Variants in TFDP2 observed in about 807,000 individuals in gnomAD.
TFDP2 encodes transcription factor Dp-2, also known as transcription factor Dp-2 (E2F dimerization partner 2).
A neutral mutation model predicts 59.3 loss-of-function variants in TFDP2; 17 were observed. The observed-to-expected ratio is 0.29, with a 90% CI of 0.20 to 0.43. The LOEUF is 0.43. TFDP2 is among the 20% of genes least tolerant of loss of function. The pLI is 1.00. For missense variants in TFDP2, 391 were observed against 528.8 expected (o/e 0.74, Z 2.56); for synonymous variants, 180 against 194.7 (o/e 0.92, Z 0.63).
At chr3:142,026,424 C>T (rs1318092619) in intron 3 of TFDP2, among the ~76,000 whole-genome samples, 1 of 152,150 alleles carries the variant, frequency 6.6e-6, no homozygotes, top group African/African-American at 2.4e-5. Context: ...ATGTTGATAT[C>T]TTTTCCAGCC....
intron 3 of TFDP2, among the ~76,000 whole-genome samples, chr3:142,089,705 A>C (rs929481838): frequency 6.6e-6 from 1 of 152,114 alleles, no homozygotes; most frequent in Non-Finnish European, 1.5e-5. Flanking sequence ...GAAATGAAAA[A>C]ATGTTTAATA....
At chr3:142,064,228 G>A (rs574443888) in intron 3 of TFDP2, among the ~76,000 whole-genome samples, 4 of 152,210 alleles carry the variant, frequency 2.6e-5, no homozygotes, top group African/African-American at 7.2e-5. Context: ...TGAGATGACC[G>A]TGCCTGGCCA....
In TFDP2 at chr3:142,149,502, G is replaced by T; in HGVS notation, c.-412C>A. On this transcript the variant is annotated 5_prime_UTR_variant, in exon 1 of 13. Coordinates refer to ENST00000489671, the MANE Select transcript of TFDP2 (RefSeq NM_001178139.2). ...CCTCTCCCTGCCCAGCTACAGCCCCGCTTCCCCCGCGCGAGCTTTGGCGGC... is the reference window on the plus strand; with the variant it reads ...CCTCTCCCTGCCCAGCTACAGCCCCTCTTCCCCCGCGCGAGCTTTGGCGGC... 2.9e-6 allele frequency: 1 copy of T among 346,672 alleles called. No homozygotes were observed. The highest frequency in any genetic ancestry group is 5.2e-6 in the Non-Finnish European group (1 of 193,522). 21.5% of individuals were successfully genotyped at this position (346,672 alleles called of 1,614,324 possible).
chr3:142,077,749 T>C (rs1351754768), intron 3 of TFDP2, among the ~76,000 whole-genome samples: 1 of 151,992 alleles, frequency 6.6e-6, no homozygotes, highest in African/African-American at 2.4e-5. Flanking sequence ...ACCCAGAACA[T>C]TCCAAGCTGG....
chr3:142,042,630 C>CTTTTTTTTTTTTTTTTTTTTTTT (rs66981475), intron 3 of TFDP2, among the ~76,000 whole-genome samples: 4 of 108,220 alleles, frequency 3.7e-5, no homozygotes, highest in Admixed American at 1.0e-4. Context: ...CTTTTCTTTT[C>CTTTTTTTTTTTTTTTTTTTTTTT]TTTTTTTTTT....
In TFDP2 at chr3:142,018,266, C is replaced by T. The variant is rs189032916; in HGVS notation, c.83-12722G>A. On this transcript the variant is annotated intron_variant, in intron 3 of 12. Transcript: ENST00000489671. ...GCCTCAATGTTTATTTTATTAGCTA[C>T]ATAGTATTCCCTTTTATGGCTCCAG... 1.3e-4 allele frequency among the ~76,000 whole-genome samples: 20 copies of T among 152,182 alleles called. No individual in the cohort carries two copies. In the East Asian group the frequency reaches 3.7e-3, roughly 28 times the overall value.
chr3:142,076,110 C>T (rs1229180659), intron 3 of TFDP2, among the ~76,000 whole-genome samples: 11 of 150,606 alleles, frequency 7.3e-5, no homozygotes, highest in Admixed American at 5.3e-4. Context: ...ACTTGGGAGG[C>T]TGAGGCAAGA....
At chr3:141,956,215 C>T (rs1024378840) in intron 11 of TFDP2, among the ~76,000 whole-genome samples, 5 of 152,112 alleles carry the variant, frequency 3.3e-5, no homozygotes, top group African/African-American at 1.2e-4. Context: ...ACATGTAAAA[C>T]ATAGTGCTTC....
At chr3:142,016,074 C>T (rs1055295036) in intron 3 of TFDP2, among the ~76,000 whole-genome samples, 3 of 152,232 alleles carry the variant, frequency 2.0e-5, no homozygotes, top group Non-Finnish European at 2.9e-5. Flanking sequence ...TATAGTGGTG[C>T]GATCTCAGCT....
chr3:142,050,144 G>A (rs1250688203), intron 3 of TFDP2, among the ~76,000 whole-genome samples: 2 of 151,820 alleles, frequency 1.3e-5, no homozygotes, highest in Non-Finnish European at 2.9e-5. Flanking sequence ...GCAAGCGTCT[G>A]TAATCCCAGC....
At position 142,093,107 on chromosome 3, in the gene TFDP2, A is replaced by G. The variant is rs1221806699; in HGVS notation, c.36T>C (p.Asn12=). ...GATCTATAAATCCTCTTACTTCTGC[A>G]TTTGTGGAAGTCAAACCAACCTGAA... is the stretch of plus-strand genomic sequence containing the variant. ...TAKNVGLTST[N]AEVRGFIDQN... Residue 12 remains asparagine (N), a synonymous_variant, in exon 3 of 13, where the codon AAT becomes AAC. Transcript: ENST00000489671. The G allele has an allele frequency of 1.9e-6, 3 of 1,541,908 alleles. No homozygotes were observed. The highest frequency in any genetic ancestry group is 2.6e-6 in the Non-Finnish European group (3 of 1,150,028).
intron 3 of TFDP2, among the ~76,000 whole-genome samples, chr3:142,082,853 ACAGAAGGAAC>A (rs1405574061): frequency 2.0e-4 from 31 of 152,246 alleles, no homozygotes; most frequent in Admixed American, 3.3e-4. Flanking sequence ...AAAACTGGGT[ACAGAAGGAAC>A]GTACCTCAAC....
At chr3:142,062,438 G>C (rs2059952482) in intron 3 of TFDP2, among the ~76,000 whole-genome samples, 2 of 146,118 alleles carry the variant, frequency 1.4e-5, no homozygotes, top group African/African-American at 5.2e-5. Flanking sequence ...TATATATATA[G>C]TCATAAAAAA....
At chr3:141,969,574 T>C (rs1017703573) in intron 9 of TFDP2, among the ~76,000 whole-genome samples, 1 of 151,974 alleles carries the variant, frequency 6.6e-6, no homozygotes, top group African/African-American at 2.4e-5. Context: ...ATCGCACCAC[T>C]GCACTCCAGC....
intron 9 of TFDP2, among the ~76,000 whole-genome samples, chr3:141,965,316 C>T (rs77433437): frequency 0.075 from 11,339 of 151,526 alleles, 536 homozygotes; most frequent in Non-Finnish European, 0.11. Context: ...AGGTTCTGGA[C>T]CTTAACTAAA....
intron 7 of TFDP2, among the ~76,000 whole-genome samples, chr3:141,977,523 T>C (rs1406921364): frequency 6.6e-6 from 1 of 151,974 alleles, no homozygotes; most frequent in Admixed American, 6.6e-5. Context: ...ACCTGGGAAG[T>C]AGAGGTTTCA....
intron 6 of TFDP2, among the ~76,000 whole-genome samples, chr3:141,984,326 C>T (rs754400239): frequency 1.8e-4 from 28 of 152,042 alleles, no homozygotes; most frequent in Non-Finnish European, 3.8e-4. Context: ...GTGGTGAAAC[C>T]CCGTTTACTA....
chr3:141,984,094 T>G (rs1380209171), intron 6 of TFDP2, among the ~76,000 whole-genome samples: 1 of 152,160 alleles, frequency 6.6e-6, no homozygotes, highest in African/African-American at 2.4e-5. Flanking sequence ...ACAGATAAAA[T>G]GTGGTATATA....
intron 4 of TFDP2, chr3:142,000,376 G>T (rs1233336240): frequency 1.4e-6 from 1 of 699,150 alleles, no homozygotes. Context: ...AAGGGTCCAG[G>T]GTGCTCCCTT....
Sources: allele counts gnomAD v4.1 joint callset (sites outside exome capture counted in the v4.1 genomes callset), GRCh38; gene constraint gnomAD v4.1.1; transcripts MANE v1.5; gene names NCBI Gene and HGNC (gene_info 2026-07-23, HGNC 2026-07-21).